Variants in MSRA observed in about 807,000 individuals in gnomAD.
MSRA encodes the protein methionine sulfoxide reductase A.
Under a neutral mutation model 31.3 loss-of-function variants are expected in MSRA, and 54 were observed. The ratio of observed to expected loss-of-function variants is 1.73; its 90% CI spans 1.39 to 2.17. The LOEUF (loss-of-function observed/expected upper bound fraction) is 2.17. MSRA is among the 30% of genes most tolerant of loss of function. The probability of loss-of-function intolerance (pLI) is 0.00; values close to 1 mark genes in which losing one functional copy is unlikely to be tolerated. For synonymous variants in MSRA, 169 were observed against 116.5 expected (o/e 1.45, Z -2.90); for missense variants, 507 against 300.9 (o/e 1.69, Z -5.07).
chr8:10,263,257 C>CTGCGG (rs1247796649), intron 3 of MSRA, among the ~76,000 whole-genome samples: 7 of 152,210 alleles, frequency 4.6e-5, no homozygotes, highest in Admixed American at 3.3e-4. Flanking sequence ...TCCCTACTGG[C>CTGCGG]CTCACCATTC....
At chr8:10,141,248 A>C (rs887677615) in intron 1 of MSRA, among the ~76,000 whole-genome samples, 7 of 152,088 alleles carry the variant, frequency 4.6e-5, no homozygotes, top group African/African-American at 1.7e-4. Flanking sequence ...CTCGCCCCTC[A>C]CGCCTTATAA....
intron 1 of MSRA, among the ~76,000 whole-genome samples, chr8:10,207,044 A>AGC (rs1809052676): frequency 6.6e-6 from 1 of 152,242 alleles, no homozygotes; most frequent in Non-Finnish European, 1.5e-5. Context: ...TTTCCACATA[A>AGC]GTGCTCCTAT....
intron 5 of MSRA, among the ~76,000 whole-genome samples, chr8:10,415,046 C>T (rs1808373461): frequency 6.6e-6 from 1 of 152,142 alleles, no homozygotes; most frequent in African/African-American, 2.4e-5. Context: ...AGCAGCAGTC[C>T]TTGAATGCAT....
Position 10,149,648 on chromosome 8 carries a change from C to T in MSRA, c.143-58185C>T, listed in dbSNP as rs183221785. 1.1e-4 allele frequency among the ~76,000 whole-genome samples: 17 copies of T among 152,086 alleles called. No homozygotes were observed. In the East Asian group the frequency reaches 2.8e-3, roughly 25 times the overall value. ...ACTGTATTAATTGTGTGTCTACCTT[C>T]TGTCTGTGGACAGTCACAGGCTGTC... On this transcript the variant is annotated intron_variant, in intron 1 of 5. Transcript: ENST00000317173.
At chr8:10,100,453 G>A (rs190829947) in intron 1 of MSRA, among the ~76,000 whole-genome samples, 30 of 152,218 alleles carry the variant, frequency 2.0e-4, no homozygotes, top group African/African-American at 5.5e-4. Flanking sequence ...AACTGGAATA[G>A]CAGGTATTGG....
At chr8:10,265,668 T>C (rs980134249) in intron 3 of MSRA, among the ~76,000 whole-genome samples, 4 of 152,280 alleles carry the variant, frequency 2.6e-5, no homozygotes, top group African/African-American at 7.2e-5. Flanking sequence ...TTGACATAGG[T>C]AGACACTGTA....
intron 5 of MSRA, among the ~76,000 whole-genome samples, chr8:10,389,761 A>T: frequency 6.2e-5 from 8 of 128,726 alleles, no homozygotes; most frequent in Non-Finnish European, 8.5e-5. Flanking sequence ...TTTTTTTTAA[A>T]GTCTTTTTTT....
At chr8:10,193,652 A>C (rs1199419346) in intron 1 of MSRA, among the ~76,000 whole-genome samples, 2 of 152,190 alleles carry the variant, frequency 1.3e-5, no homozygotes, top group Admixed American at 6.5e-5. Context: ...TTTCATAGAA[A>C]GGCAAGTGTA....
intron 4 of MSRA, among the ~76,000 whole-genome samples, chr8:10,305,178 A>G (rs567787465): frequency 6.6e-6 from 1 of 152,224 alleles, no homozygotes; most frequent in Non-Finnish European, 1.5e-5. Flanking sequence ...GAGAAGCAGT[A>G]TCTACAGTGA....
chr8:10,150,263 T>G (rs1803544967), intron 1 of MSRA, among the ~76,000 whole-genome samples: 1 of 152,076 alleles, frequency 6.6e-6, no homozygotes, highest in Non-Finnish European at 1.5e-5. Context: ...GCTAATTACA[T>G]CTATGAATAA....
At chr8:10,320,155 G>A (rs780915032) in intron 5 of MSRA, 166 bp downstream of exon 5, 132 of 502,880 alleles carry the variant, frequency 2.6e-4, no homozygotes, top group Non-Finnish European at 4.1e-4. Context: ...TGTCTAATAC[G>A]TGTGCTAAAT....
At chr8:10,165,824 C>G (rs1563172147) in intron 1 of MSRA, among the ~76,000 whole-genome samples, 1 of 152,158 alleles carries the variant, frequency 6.6e-6, no homozygotes, top group Non-Finnish European at 1.5e-5. Context: ...TAAATGCTTC[C>G]TATGTGTCAA....
intron 3 of MSRA, among the ~76,000 whole-genome samples, chr8:10,254,981 T>C (rs1290827165): frequency 6.6e-6 from 1 of 152,212 alleles, no homozygotes; most frequent in African/African-American, 2.4e-5. Context: ...TTTGAAACTT[T>C]TATTAGGCAT....
At chr8:10,266,977 G>T (rs903833455) in intron 3 of MSRA, among the ~76,000 whole-genome samples, 1 of 152,026 alleles carries the variant, frequency 6.6e-6, no homozygotes, top group Non-Finnish European at 1.5e-5. Context: ...GGTCATTAAG[G>T]GCAATCAGTG....
chr8:10,152,962 CAT>C (rs1803839699), intron 1 of MSRA, among the ~76,000 whole-genome samples: 2 of 152,028 alleles, frequency 1.3e-5, no homozygotes, highest in Admixed American at 1.3e-4. Context: ...TAGTGAAATT[CAT>C]AGAGACAGAA....
chr8:10,166,895 A>T (rs970759535), intron 1 of MSRA, among the ~76,000 whole-genome samples: 3 of 152,100 alleles, frequency 2.0e-5, no homozygotes, highest in African/African-American at 7.2e-5. Context: ...ACCCCTAATT[A>T]AATCAGGCCC....
At chr8:10,208,803 C>T (rs78606210) in intron 2 of MSRA, among the ~76,000 whole-genome samples, 1 of 152,178 alleles carries the variant, frequency 6.6e-6, no homozygotes, top group Non-Finnish European at 1.5e-5. Context: ...CCTGATTTCA[C>T]GCCTCCCGTA....
chr8:10,200,338 T>TG (rs1563210858), intron 1 of MSRA, among the ~76,000 whole-genome samples: 2 of 152,226 alleles, frequency 1.3e-5, no homozygotes, highest in Non-Finnish European at 2.9e-5. Context: ...CCTTTTGTTT[T>TG]GGGGGCAGCC....
intron 1 of MSRA, among the ~76,000 whole-genome samples, chr8:10,064,805 A>G (rs553256082): frequency 1.3e-5 from 2 of 152,186 alleles, no homozygotes; most frequent in Non-Finnish European, 1.5e-5. Flanking sequence ...TGAGGCCACA[A>G]ATTATTCTTT....
Sources: allele counts gnomAD v4.1 joint callset (sites outside exome capture counted in the v4.1 genomes callset), GRCh38; gene constraint gnomAD v4.1.1; transcripts MANE v1.5; gene names NCBI Gene and HGNC (gene_info 2026-07-23, HGNC 2026-07-21).